The following ATL2 variants were observed in gnomAD, a reference collection of about 807,000 sequenced individuals.
ATL2 encodes the protein atlastin GTPase 2.
In ATL2, 31 loss-of-function variants were observed where a neutral mutation model predicts 73.9. The observed-to-expected ratio is 0.42, with a 90% confidence interval of 0.32 to 0.57. ATL2 has a LOEUF of 0.57. Among genes scored for constraint, ATL2 ranks in the 20% least tolerant of loss-of-function variants. The pLI is 0.14. For synonymous variants in ATL2, 291 were observed against 237.5 expected, an observed-to-expected ratio of 1.23 and a Z score of -2.07; for missense variants, 738 against 702.6, an observed-to-expected ratio of 1.05 and a Z score of -0.57.
intron 1 of ATL2, among the ~76,000 whole-genome samples, chr2:38,371,345 A>G (rs1425750786): frequency 4.6e-5 from 7 of 152,052 alleles, no homozygotes; most frequent in Non-Finnish European, 7.4e-5. Context: ...CATCTCCACA[A>G]AAAATTTTAA....
Position 38,295,504 on chromosome 2 carries a change from G to C in ATL2, c.*490C>G, listed in dbSNP as rs780783739. 3 of 152,386 alleles carry C rather than the reference G, an allele frequency of 2.0e-5. No individual in the cohort carries two copies. The highest frequency in any genetic ancestry group is 2.0e-4 in the Admixed American group (3 of 15,288). 9.4% of individuals were successfully genotyped at this position (152,386 alleles called of 1,614,324 possible). A position where few individuals can be genotyped will look rare whatever the true frequency, so the allele number is the denominator to read the frequency against. On this transcript the variant is annotated 3_prime_UTR_variant, in exon 13 of 13. Transcript: ENST00000378954. The stretch of plus-strand genomic sequence containing the variant: ...TGAAGTTTCTGATACATGCATTGAT[G>C]TAATACTGGTATTGAAGGCAGTAAA...
At chr2:38,363,774 T>C (rs1364000137) in intron 1 of ATL2, among the ~76,000 whole-genome samples, 1 of 152,208 alleles carries the variant, frequency 6.6e-6, no homozygotes, top group Non-Finnish European at 1.5e-5. Flanking sequence ...GACAGAAGTA[T>C]AATTCAATAA....
At chr2:38,323,141 AC>A (rs1445530263) in intron 2 of ATL2, among the ~76,000 whole-genome samples, 1 of 152,094 alleles carries the variant, frequency 6.6e-6, no homozygotes, top group Non-Finnish European at 1.5e-5. Context: ...CTGATAACAG[AC>A]CCTATTTGCT....
chr2:38,305,442 A>G (rs7582436), intron 9 of ATL2, among the ~76,000 whole-genome samples: 74,127 of 151,960 alleles, frequency 0.49, 20,241 homozygotes, highest in African/African-American at 0.75. Flanking sequence ...TCAGCTACTC[A>G]GGAGACTGAG....
chr2:38,321,828 T>TGGATCTG (rs1558407475), intron 2 of ATL2, among the ~76,000 whole-genome samples: 1 of 152,152 alleles, frequency 6.6e-6, no homozygotes, highest in Non-Finnish European at 1.5e-5. Flanking sequence ...TCCTCCTACC[T>TGGATCTG]CAGCCTCCTA....
intron 9 of ATL2, among the ~76,000 whole-genome samples, chr2:38,305,877 AAAGG>A (rs1052930426): frequency 3.3e-5 from 5 of 152,138 alleles, no homozygotes; most frequent in South Asian, 2.1e-4. Flanking sequence ...AAAAAACAGA[AAAGG>A]AAGAGCAAAC....
chr2:38,299,192 T>C, intron 11 of ATL2, 64 bp downstream of exon 11: 1 of 485,822 alleles, frequency 2.1e-6, no homozygotes. Flanking sequence ...ATTTTTTTAA[T>C]TTTTTTTTTT....
chr2:38,374,389 G>A (rs912429627), intron 1 of ATL2, among the ~76,000 whole-genome samples: 2 of 152,076 alleles, frequency 1.3e-5, no homozygotes, highest in African/African-American at 2.4e-5. Context: ...AATACACCTG[G>A]ACTTTGAAAA....
In ATL2 at chr2:38,299,262, C is replaced by T; in HGVS notation, c.1194G>A (p.Met398Ile). ...TTAAATTTTAGGTACAAACCTGTTCCATACTTTTACAATAGGTATCTCTTG... is the reference window on the plus strand; with the variant it reads ...TTAAATTTTAGGTACAAACCTGTTCTATACTTTTACAATAGGTATCTCTTG... ...AGARDTYCKS[M>I]EQVCGGDKPY... The change falls in exon 11 of 13, where the codon ATG becomes ATA. Residue 398 changes from methionine to isoleucine, a missense_variant. By Grantham distance (10) the Met-to-Ile change is conservative (BLOSUM62 1). Transcript: ENST00000378954. 6.6e-7 allele frequency: 1 copy of T among 1,515,902 alleles called. No homozygotes were observed. The highest frequency in any genetic ancestry group is 8.7e-7 in the Non-Finnish European group (1 of 1,143,012). 93.9% of individuals were successfully genotyped at this position (1,515,902 alleles called of 1,614,324 possible).
chr2:38,355,450 G>A lies in ATL2; in HGVS notation c.119-11938C>T, dbSNP rs114841269. On this transcript the variant is annotated intron_variant, in intron 1 of 12. Transcript: ENST00000378954. ...ATTAGAGATGTCCTTTTAATAAAAAGACAGAGCTTGGTTCAAGTAAAGTTT... is the reference window on the plus strand; with the variant it reads ...ATTAGAGATGTCCTTTTAATAAAAAAACAGAGCTTGGTTCAAGTAAAGTTT... Among the ~76,000 whole-genome samples the A allele has an allele frequency of 2.1e-3, 318 of 152,082 alleles. 1 individual carries two copies. The highest frequency in any genetic ancestry group is 3.2e-3 in the Non-Finnish European group (218 of 67,970).
intron 9 of ATL2, among the ~76,000 whole-genome samples, chr2:38,304,786 A>G (rs1667362465): frequency 1.3e-5 from 2 of 152,218 alleles, no homozygotes; most frequent in South Asian, 4.1e-4. Context: ...AAGACATACA[A>G]CAGATACACA....
At chr2:38,344,912 C>G (rs960758692) in intron 1 of ATL2, among the ~76,000 whole-genome samples, 1 of 152,172 alleles carries the variant, frequency 6.6e-6, no homozygotes, top group Non-Finnish European at 1.5e-5. Context: ...CCTTTGTTCA[C>G]CACAACACAT....
intron 1 of ATL2, 132 bp downstream of exon 1, chr2:38,377,011 G>T: frequency 1.5e-6 from 1 of 651,638 alleles, no homozygotes; most frequent in Non-Finnish European, 2.3e-6. Context: ...CGGCGGGCAG[G>T]CGCGGCGGCG....
At chr2:38,350,378 A>C (rs1025750988) in intron 1 of ATL2, among the ~76,000 whole-genome samples, 3 of 152,122 alleles carry the variant, frequency 2.0e-5, no homozygotes, top group African/African-American at 4.8e-5. Flanking sequence ...CCTAATATCT[A>C]TTTGCCACAC....
chr2:38,307,691 T>C (rs1384743842), intron 9 of ATL2, among the ~76,000 whole-genome samples: 1 of 151,900 alleles, frequency 6.6e-6, no homozygotes, highest in Admixed American at 6.6e-5. Flanking sequence ...GAGAAGACAT[T>C]TGCAAACTAC....
chr2:38,333,672 A>G (rs1669132297), intron 2 of ATL2, among the ~76,000 whole-genome samples: 1 of 152,228 alleles, frequency 6.6e-6, no homozygotes, highest in Non-Finnish European at 1.5e-5. Flanking sequence ...GGGTGCCATA[A>G]TATTTATGAT....
Position 38,377,270 on chromosome 2 carries a change from A to G in ATL2, c.-10T>C, listed in dbSNP as rs776441361. On this transcript the variant is annotated 5_prime_UTR_variant, in exon 1 of 13. Transcript: ENST00000378954. The stretch of plus-strand genomic sequence containing the variant: ...CGTCCCCCTCCGCCATCTTGTACCG[A>G]TTTAAAATTAACTCCCCACTGACGT... The G allele has an allele frequency of 1.9e-6, 3 of 1,554,828 alleles. No homozygotes were observed. The highest frequency in any genetic ancestry group is 1.4e-5 in the African/African-American group (1 of 72,672).
At chr2:38,347,596 AC>A (rs1013786430) in intron 1 of ATL2, among the ~76,000 whole-genome samples, 3 of 151,452 alleles carry the variant, frequency 2.0e-5, no homozygotes, top group South Asian at 2.1e-4. Context: ...GATATCTCCC[AC>A]TCCACAGAAT....
chr2:38,343,424 A>G lies in ATL2; in HGVS notation c.207T>C (p.Asp69=). 1 of 1,613,394 alleles carries G rather than the reference A, an allele frequency of 6.2e-7. No homozygotes were observed. Among genetic ancestry groups the G allele is most frequent in the Non-Finnish European group, 8.5e-7 (1 of 1,179,850 alleles). ...CTTCATCAAGTTCAAAGTTATGGTC[A>G]TCTTCATGAGCAAGAACAATCTGTA... is the stretch of plus-strand genomic sequence containing the variant. ...CPVQIVLAHE[D]DHNFELDEEA... Residue 69 remains aspartate, a synonymous_variant, in exon 2 of 13, where the codon GAT becomes GAC. Coordinates refer to ENST00000378954, the MANE Select transcript of ATL2 (RefSeq NM_001135673.4).
Sources: gnomAD v4.1 joint callset for allele counts (sites outside exome capture counted in the v4.1 genomes callset) on GRCh38, gnomAD v4.1.1 for gene constraint, MANE v1.5 for transcripts, NCBI Gene and HGNC (gene_info 2026-07-23, HGNC 2026-07-21) for gene names.